The following STRN3 variants were observed in gnomAD, a reference collection of about 807,000 sequenced individuals.
STRN3 encodes striatin-3.
Under a neutral mutation model 95.6 loss-of-function variants are expected in STRN3, and 29 were observed. The ratio of observed to expected loss-of-function variants is 0.30; its 90% CI spans 0.23 to 0.41. The LOEUF is 0.41. Ranked by LOEUF, STRN3 falls within the 10% of genes least tolerant of loss-of-function variation. STRN3 has a pLI of 1.00. For missense variants in STRN3, 890 were observed against 972.1 expected (o/e 0.92, Z 1.12); for synonymous variants, 331 against 357.6 (o/e 0.93, Z 0.84).
intron 1 of STRN3, among the ~76,000 whole-genome samples, chr14:30,993,326 C>A (rs956414417): frequency 6.0e-5 from 9 of 150,950 alleles, no homozygotes; most frequent in Non-Finnish European, 1.2e-4. Context: ...ACTGGATTTA[C>A]CAAGCAGCTC....
intron 1 of STRN3, among the ~76,000 whole-genome samples, chr14:31,022,476 T>C (rs1883551023): frequency 6.6e-6 from 1 of 151,864 alleles, no homozygotes; most frequent in Admixed American, 6.6e-5. Context: ...ATTTTGTATA[T>C]ACCCAAAATC....
intron 1 of STRN3, among the ~76,000 whole-genome samples, chr14:30,992,882 G>T (rs2139265537): frequency 1.3e-5 from 2 of 152,104 alleles, no homozygotes; most frequent in African/African-American, 4.8e-5. Flanking sequence ...GGAGGACAGG[G>T]TCTTACTATG....
At chr14:30,985,490 G>A (rs1484853506) in intron 1 of STRN3, among the ~76,000 whole-genome samples, 1 of 151,664 alleles carries the variant, frequency 6.6e-6, no homozygotes, top group Non-Finnish European at 1.5e-5. Flanking sequence ...TGTAGTTCCA[G>A]CTACTTGGGA....
chr14:30,990,897 CA>C (rs768884082), intron 1 of STRN3, among the ~76,000 whole-genome samples: 49 of 152,210 alleles, frequency 3.2e-4, no homozygotes, highest in Non-Finnish European at 4.9e-4. Flanking sequence ...AGTACAGATG[CA>C]ACAGTCCTTT....
chr14:30,997,500 G>T (rs1882257449), intron 1 of STRN3, among the ~76,000 whole-genome samples: 1 of 152,136 alleles, frequency 6.6e-6, no homozygotes, highest in African/African-American at 2.4e-5. Flanking sequence ...ACCCTAAACT[G>T]CAAAGCATCT....
intron 3 of STRN3, among the ~76,000 whole-genome samples, chr14:30,951,544 T>C (rs1276628698): frequency 1.3e-5 from 2 of 152,186 alleles, no homozygotes; most frequent in African/African-American, 4.8e-5. Flanking sequence ...TTAATTTTTT[T>C]TAACTACTAG....
intron 1 of STRN3, among the ~76,000 whole-genome samples, chr14:31,008,151 G>A (rs983531313): frequency 8.0e-5 from 12 of 150,560 alleles, no homozygotes; most frequent in African/African-American, 1.5e-4. Context: ...AGATCACGCC[G>A]TTGCACTCTA....
intron 1 of STRN3, among the ~76,000 whole-genome samples, chr14:31,004,591 T>C (rs2139301148): frequency 6.6e-6 from 1 of 151,904 alleles, no homozygotes; most frequent in African/African-American, 2.4e-5. Context: ...CTGGCCAACA[T>C]GGTGAAATCC....
intron 5 of STRN3, among the ~76,000 whole-genome samples, chr14:30,942,132 A>G (rs1879123589): frequency 6.6e-6 from 1 of 151,882 alleles, no homozygotes; most frequent in South Asian, 2.1e-4. Flanking sequence ...CCATTCCTCC[A>G]TTTTCTTTCT....
chr14:30,986,973 A>G (rs962462173), intron 1 of STRN3, among the ~76,000 whole-genome samples: 1 of 152,188 alleles, frequency 6.6e-6, no homozygotes, highest in Non-Finnish European at 1.5e-5. Flanking sequence ...ATTTCACTGT[A>G]TGGAAGGATA....
intron 9 of STRN3, among the ~76,000 whole-genome samples, chr14:30,915,041 A>T (rs1309721270): frequency 6.6e-6 from 1 of 152,212 alleles, no homozygotes; most frequent in Non-Finnish European, 1.5e-5. Flanking sequence ...ACATTAAGAT[A>T]ACAAGGGAGA....
intron 1 of STRN3, among the ~76,000 whole-genome samples, chr14:30,976,513 A>C (rs1200319449): frequency 7.2e-6 from 1 of 138,884 alleles, no homozygotes; most frequent in Non-Finnish European, 1.6e-5. Context: ...GAACAGCATC[A>C]TCAATCAGCT....
chr14:30,963,212 A>G (rs1286747025), intron 1 of STRN3, among the ~76,000 whole-genome samples: 1 of 152,212 alleles, frequency 6.6e-6, no homozygotes, highest in African/African-American at 2.4e-5. Context: ...TGGAGATTCA[A>G]TACCCCACTC....
At chr14:30,962,635 G>A (rs1191868918) in intron 1 of STRN3, among the ~76,000 whole-genome samples, 1 of 152,088 alleles carries the variant, frequency 6.6e-6, no homozygotes. Flanking sequence ...CCTAGGTTCA[G>A]GTGATTCTCC....
chr14:30,917,035 T>C (rs1329632217), intron 9 of STRN3, among the ~76,000 whole-genome samples: 1 of 152,192 alleles, frequency 6.6e-6, no homozygotes, highest in Admixed American at 6.5e-5. Flanking sequence ...AAACAGACAT[T>C]TGTTCTTTAT....
rs746516351 is a variant in STRN3 at position 30,921,847 on chromosome 14, AG to A, written c.1100-2742del. The stretch of plus-strand genomic sequence containing the variant: ...AATACCTTTTCTAATTCTTATGGCA[AG>A]AAAAACTTTTATTTATTTTTTAATT... On this transcript the variant is annotated intron_variant, in intron 8 of 17. Transcript: ENST00000357479. Among the ~76,000 whole-genome samples, 152 of 152,276 alleles carry A rather than the reference AG, an allele frequency of 1.0e-3. 1 individual carries two copies. Among genetic ancestry groups the A allele is most frequent in the Non-Finnish European group, 1.1e-3 (77 of 68,014 alleles).
At chr14:31,020,239 C>T (rs1265898911) in intron 1 of STRN3, among the ~76,000 whole-genome samples, 1 of 152,208 alleles carries the variant, frequency 6.6e-6, no homozygotes, top group African/African-American at 2.4e-5. Flanking sequence ...TGGCTCATGC[C>T]TGTAATCCTA....
chr14:30,959,873 T>A (rs938835379), intron 1 of STRN3, among the ~76,000 whole-genome samples: 1 of 152,034 alleles, frequency 6.6e-6, no homozygotes. Context: ...TATAAAAATT[T>A]AACAAAGGCA....
At chr14:31,014,405 A>C (rs1192628214) in intron 1 of STRN3, among the ~76,000 whole-genome samples, 1 of 151,996 alleles carries the variant, frequency 6.6e-6, no homozygotes, top group Non-Finnish European at 1.5e-5. Context: ...TATTTTTAGT[A>C]AAGACGGGGT....
Sources: allele counts gnomAD v4.1 joint callset (sites outside exome capture counted in the v4.1 genomes callset), GRCh38; gene constraint gnomAD v4.1.1; transcripts MANE v1.5; gene names NCBI Gene and HGNC (gene_info 2026-07-23, HGNC 2026-07-21).